NUMB: variants seen among roughly 807,000 people sequenced by gnomAD.
NUMB encodes protein numb homolog.
In NUMB, 29 loss-of-function variants were observed where a neutral mutation model predicts 59.7. The observed-to-expected ratio is 0.49, with a 90% CI of 0.36 to 0.66. NUMB has a LOEUF of 0.66. Ranked by LOEUF, NUMB falls within the 30% of genes least tolerant of loss-of-function variation. The probability of loss-of-function intolerance (pLI) is 0.00; values close to 1 mark genes in which losing one functional copy is unlikely to be tolerated. For synonymous variants in NUMB, 288 were observed against 288.2 expected, an observed-to-expected ratio of 1.00 and a Z score of 0.01; for missense variants, 723 against 822.0, an observed-to-expected ratio of 0.88 and a Z score of 1.47.
chr14:73,288,661 A>G, intron 8 of NUMB, among the ~76,000 whole-genome samples: 1 of 152,070 alleles, frequency 6.6e-6, no homozygotes, highest in Admixed American at 6.6e-5. Flanking sequence ...GGAGTTCAAG[A>G]CCAGCCTGAC....
chr14:73,404,436 GAAGATGC>G (rs1431751809), intron 2 of NUMB, among the ~76,000 whole-genome samples: 1 of 151,966 alleles, frequency 6.6e-6, no homozygotes, highest in Non-Finnish European at 1.5e-5. Flanking sequence ...CTTTTTCTTA[GAAGATGC>G]ATGCTCAAGT....
intron 4 of NUMB, among the ~76,000 whole-genome samples, chr14:73,328,660 T>C (rs1891791906): frequency 6.6e-6 from 1 of 152,242 alleles, no homozygotes; most frequent in South Asian, 2.1e-4. Context: ...TAATGACTGA[T>C]AGTTCTTGGC....
At chr14:73,450,508 A>C (rs1883845694) in intron 1 of NUMB, among the ~76,000 whole-genome samples, 2 of 152,218 alleles carry the variant, frequency 1.3e-5, no homozygotes. Flanking sequence ...GAATACTGGG[A>C]GCTAGGCTGG....
intron 1 of NUMB, among the ~76,000 whole-genome samples, chr14:73,415,893 G>A (rs575467110): frequency 3.9e-5 from 6 of 152,120 alleles, no homozygotes; most frequent in Admixed American, 3.3e-4. Flanking sequence ...TAATAAAGAG[G>A]AAATATGAAA....
At chr14:73,385,105 T>C (rs995380960) in intron 2 of NUMB, among the ~76,000 whole-genome samples, 26 of 152,012 alleles carry the variant, frequency 1.7e-4, no homozygotes, top group African/African-American at 6.0e-4. Context: ...CTATCCAATA[T>C]GGTAGCCATT....
At chr14:73,415,389 A>G (rs1897082838) in intron 1 of NUMB, among the ~76,000 whole-genome samples, 2 of 152,244 alleles carry the variant, frequency 1.3e-5, no homozygotes, top group Admixed American at 6.5e-5. Flanking sequence ...ACAATGACAT[A>G]GCCAAAATAA....
chr14:73,290,866 T>C (rs1034101424), intron 8 of NUMB, among the ~76,000 whole-genome samples: 1 of 152,230 alleles, frequency 6.6e-6, no homozygotes, highest in African/African-American at 2.4e-5. Context: ...TCAAAAAGTT[T>C]AGAATTTTGG....
At chr14:73,355,574 T>TAATG in intron 4 of NUMB, 52 bp downstream of exon 4, 2 of 1,541,616 alleles carry the variant, frequency 1.3e-6, no homozygotes, top group Non-Finnish European at 1.8e-6. Context: ...TCACATACAC[T>TAATG]AGATTGTCAG....
At chr14:73,278,683 A>G (rs1888371603) in intron 12 of NUMB, among the ~76,000 whole-genome samples, 1 of 151,032 alleles carries the variant, frequency 6.6e-6, no homozygotes, top group East Asian at 1.9e-4. Flanking sequence ...CACATCACCA[A>G]ATCCGGTGAT....
rs897495357 is a variant in NUMB, at chr14:73,280,914, G to A, written c.1096+1445C>T. On this transcript the variant is annotated intron_variant, in intron 11 of 12. Transcript: ENST00000555238. ...TCACCATGTTGGCTAGGCTGGTCTCGAACTCCTGACCTCTGGTGATCCGCC... is the reference window on the plus strand; with the variant it reads ...TCACCATGTTGGCTAGGCTGGTCTCAAACTCCTGACCTCTGGTGATCCGCC... Among the ~76,000 whole-genome samples the A allele has an allele frequency of 2.5e-3, 386 of 151,750 alleles. 6 individuals carry two copies. Among genetic ancestry groups the A allele is most frequent in the Admixed American group, 7.2e-4 (11 of 15,204 alleles).
At chr14:73,329,680 A>C (rs1891852905) in intron 4 of NUMB, among the ~76,000 whole-genome samples, 1 of 152,204 alleles carries the variant, frequency 6.6e-6, no homozygotes, top group Non-Finnish European at 1.5e-5. Context: ...AACTTCCCAT[A>C]GCTTTCACCC....
intron 3 of NUMB, among the ~76,000 whole-genome samples, chr14:73,360,611 C>T (rs1268730384): frequency 6.6e-6 from 1 of 152,096 alleles, no homozygotes; most frequent in Non-Finnish European, 1.5e-5. Flanking sequence ...CTTGAGGTGG[C>T]ATTTTTCCCA....
chr14:73,456,501 C>G (rs1239738563), intron 1 of NUMB, among the ~76,000 whole-genome samples: 1 of 152,230 alleles, frequency 6.6e-6, no homozygotes, highest in Non-Finnish European at 1.5e-5. Context: ...CTAGTACATA[C>G]ATGTAGGAGA....
chr14:73,304,522 T>A (rs2139867272), intron 6 of NUMB, among the ~76,000 whole-genome samples: 1 of 152,220 alleles, frequency 6.6e-6, no homozygotes, highest in South Asian at 2.1e-4. Context: ...TTGCCCAGGC[T>A]GGTCTCAAGT....
intron 1 of NUMB, among the ~76,000 whole-genome samples, chr14:73,412,963 A>C (rs550025680): frequency 6.6e-6 from 1 of 152,204 alleles, no homozygotes; most frequent in African/African-American, 2.4e-5. Context: ...GGCACAAATA[A>C]CTTCCAAGAT....
chr14:73,318,840 T>C (rs1368628539), intron 5 of NUMB, among the ~76,000 whole-genome samples: 4 of 150,248 alleles, frequency 2.7e-5, no homozygotes, highest in Non-Finnish European at 5.9e-5. Flanking sequence ...TCTTGTTTAG[T>C]TATAATATTT....
At chr14:73,363,909 A>G (rs373653780) in intron 3 of NUMB, among the ~76,000 whole-genome samples, 2 of 152,198 alleles carry the variant, frequency 1.3e-5, no homozygotes, top group African/African-American at 4.8e-5. Flanking sequence ...AGATCATACC[A>G]TTGCACCGGA....
intron 4 of NUMB, among the ~76,000 whole-genome samples, chr14:73,333,372 A>T (rs552015132): frequency 4.6e-5 from 7 of 152,106 alleles, no homozygotes. Context: ...GGCTAGCTGT[A>T]TATCTTCTTT....
intron 1 of NUMB, among the ~76,000 whole-genome samples, chr14:73,412,643 A>G (rs1442913740): frequency 1.3e-5 from 2 of 151,404 alleles, no homozygotes; most frequent in Non-Finnish European, 2.9e-5. Context: ...AAAAAAAAAA[A>G]AAAAAAAGAG....
Sources: allele counts gnomAD v4.1 joint callset (sites outside exome capture counted in the v4.1 genomes callset), GRCh38; gene constraint gnomAD v4.1.1; transcripts MANE v1.5; gene names NCBI Gene and HGNC (gene_info 2026-07-23, HGNC 2026-07-21).